BMPER: variants seen among roughly 807,000 people sequenced by gnomAD.
The protein encoded by BMPER is BMP binding endothelial regulator, also known as BMP-binding endothelial regulator protein.
A neutral mutation model predicts 87.3 loss-of-function variants in BMPER; 45 were observed. That is an observed-to-expected ratio of 0.52 (90% CI 0.41 to 0.66). The LOEUF (loss-of-function observed/expected upper bound fraction) is 0.66, where lower values mean the gene tolerates loss of function less well. Ranked by LOEUF, BMPER falls within the 30% of genes least tolerant of loss-of-function variation. The probability of loss-of-function intolerance (pLI) is 0.00; values close to 1 mark genes in which losing one functional copy is unlikely to be tolerated. For synonymous variants in BMPER, 326 were observed against 316.2 expected, an observed-to-expected ratio of 1.03 and a Z score of -0.33; for missense variants, 784 against 867.5, an observed-to-expected ratio of 0.90 and a Z score of 1.21.
At chr7:33,905,449 T>TCCCTCACACCCCCCCGCCCC (rs1783783708), upstream of BMPER, 2 of 25,924 alleles carry the variant, frequency 7.7e-5, no homozygotes, top group Non-Finnish European at 1.5e-4. Flanking sequence ...CCCCCCGCCC[T>TCCCTCACACCCCCCCGCCCC]CCCTCACACC....
intron 6 of BMPER, among the ~76,000 whole-genome samples, chr7:34,025,580 A>C (rs1403895263): frequency 6.6e-6 from 1 of 152,196 alleles, no homozygotes; most frequent in East Asian, 1.9e-4. Context: ...TTAGGGGCAA[A>C]GAGAGCAGTG....
At chr7:33,944,622 T>G (rs887005986) in intron 3 of BMPER, among the ~76,000 whole-genome samples, 5 of 152,220 alleles carry the variant, frequency 3.3e-5, no homozygotes, top group Non-Finnish European at 5.9e-5. Flanking sequence ...AGGCATGTTA[T>G]CATCTCATTT....
intron 2 of BMPER, among the ~76,000 whole-genome samples, chr7:33,932,042 C>T (rs184424792): frequency 2.6e-4 from 39 of 152,236 alleles, no homozygotes; most frequent in East Asian, 1.9e-4. Flanking sequence ...GTCTCCCTCC[C>T]GCAGCACTGA....
chr7:33,974,163 C>T (rs888398735), intron 5 of BMPER, among the ~76,000 whole-genome samples: 1 of 152,186 alleles, frequency 6.6e-6, no homozygotes, highest in Non-Finnish European at 1.5e-5. Context: ...ACTTTCCCCT[C>T]TGAGCCACGT....
intron 3 of BMPER, among the ~76,000 whole-genome samples, chr7:33,950,204 C>T (rs938366762): frequency 6.6e-6 from 1 of 152,042 alleles, no homozygotes; most frequent in Non-Finnish European, 1.5e-5. Flanking sequence ...GGCCAAGTTG[C>T]GAATGTTCCT....
At chr7:34,051,731 C>G in intron 7 of BMPER, 130 bp from the exon 8 acceptor site, 2 of 791,498 alleles carry the variant, frequency 2.5e-6, no homozygotes, top group Non-Finnish European at 2.2e-6. Context: ...TGACCCAAGA[C>G]TCTATTTTTG....
intron 13 of BMPER, among the ~76,000 whole-genome samples, chr7:34,101,076 T>A (rs984520030): frequency 1.3e-5 from 2 of 152,174 alleles, no homozygotes; most frequent in Admixed American, 1.3e-4. Flanking sequence ...CACACTAAAG[T>A]TTGAGAAGTG....
intron 13 of BMPER, among the ~76,000 whole-genome samples, chr7:34,114,079 G>A (rs551286232): frequency 1.2e-4 from 18 of 152,274 alleles, no homozygotes; most frequent in South Asian, 2.1e-4. Context: ...TAATAAGCTT[G>A]GGTTTCCATT....
intron 3 of BMPER, among the ~76,000 whole-genome samples, chr7:33,963,875 T>C (rs1342511746): frequency 6.6e-6 from 1 of 152,178 alleles, no homozygotes; most frequent in Non-Finnish European, 1.5e-5. Context: ...CCTGGATGTA[T>C]GATGGAAAAT....
intron 2 of BMPER, among the ~76,000 whole-genome samples, chr7:33,931,924 G>A (rs1784489595): frequency 6.6e-6 from 1 of 152,010 alleles, no homozygotes; most frequent in South Asian, 2.1e-4. Context: ...TTCTCACTGT[G>A]CCAGAAGTTA....
intron 2 of BMPER, chr7:33,921,948 C>T (rs1784243334): frequency 2.3e-6 from 1 of 427,528 alleles, no homozygotes; most frequent in Non-Finnish European, 4.9e-6. Flanking sequence ...CTCAAAACCT[C>T]TGCAAGAAGC....
At chr7:34,060,643 ATTCT>A (rs1788411834) in intron 10 of BMPER, among the ~76,000 whole-genome samples, 2 of 152,204 alleles carry the variant, frequency 1.3e-5, no homozygotes, top group African/African-American at 2.4e-5. Context: ...AGTCAATCTG[ATTCT>A]TTCTTTTTGA....
intron 6 of BMPER, among the ~76,000 whole-genome samples, chr7:34,015,530 C>G (rs1786998341): frequency 6.6e-6 from 1 of 151,870 alleles, no homozygotes; most frequent in Non-Finnish European, 1.5e-5. Flanking sequence ...CAAGCAACCC[C>G]ACGGTTGCTG....
At chr7:33,939,976 A>T in intron 3 of BMPER, 1 of 313,164 alleles carries the variant, frequency 3.2e-6, no homozygotes, top group Non-Finnish European at 7.4e-6. Context: ...GTTTTAAGGG[A>T]CACAGTCCTG....
At chr7:33,975,705 C>A (rs1222471129) in intron 6 of BMPER, among the ~76,000 whole-genome samples, 1 of 152,148 alleles carries the variant, frequency 6.6e-6, no homozygotes, top group Non-Finnish European at 1.5e-5. Flanking sequence ...TCACTTGTGA[C>A]TCACTATGCA....
At chr7:34,136,700 G>A (rs145217020) in intron 13 of BMPER, among the ~76,000 whole-genome samples, 36 of 152,358 alleles carry the variant, frequency 2.4e-4, no homozygotes, top group Non-Finnish European at 4.1e-4. Context: ...TCCTTGCACT[G>A]TTGCGTTCTG....
chr7:34,123,508 G>T (rs1287423864), intron 13 of BMPER, among the ~76,000 whole-genome samples: 3 of 152,196 alleles, frequency 2.0e-5, no homozygotes, highest in African/African-American at 7.2e-5. Context: ...CTAAGCTGTG[G>T]CCTGGGCATC....
intron 13 of BMPER, among the ~76,000 whole-genome samples, chr7:34,141,775 TC>T (rs1390959063): frequency 6.6e-6 from 1 of 152,172 alleles, no homozygotes; most frequent in Non-Finnish European, 1.5e-5. Flanking sequence ...TCCTCTTTTG[TC>T]CCTGTTTTTT....
chr7:33,964,496 A>G lies in BMPER; in HGVS notation c.320-1983A>G, dbSNP rs183205233. Among the ~76,000 whole-genome samples the G allele has an allele frequency of 3.9e-4, 60 of 152,326 alleles. 1 individual carries two copies. Among genetic ancestry groups the G allele is most frequent in the South Asian group, 1.7e-3 (8 of 4,830 alleles). On this transcript the variant is annotated intron_variant, in intron 3 of 14. Transcript: ENST00000649409. ...TCCAATTTTCCAGTATTATTGTCCA[A>G]TCTTTCTTTATGTGGTAAATTATGG...
Sources: gnomAD v4.1 joint callset for allele counts (sites outside exome capture counted in the v4.1 genomes callset) on GRCh38, gnomAD v4.1.1 for gene constraint, MANE v1.5 for transcripts, NCBI Gene and HGNC (gene_info 2026-07-23, HGNC 2026-07-21) for gene names.